DPYD: variants seen among roughly 807,000 people sequenced by gnomAD.
DPYD encodes the protein dihydropyrimidine dehydrogenase.
DPYD carries 109 observed loss-of-function variants against 116.2 expected under a neutral mutation model. The observed-to-expected ratio is 0.94, with a 90% CI of 0.80 to 1.10. The LOEUF (loss-of-function observed/expected upper bound fraction) is 1.10, where lower values mean the gene tolerates loss of function less well. DPYD is among the 50% of genes least tolerant of loss of function. DPYD has a pLI of 0.00. For missense variants in DPYD, 1,302 were observed against 1,254.5 expected, an observed-to-expected ratio of 1.04 and a Z score of -0.57; for synonymous variants, 440 against 432.0, an observed-to-expected ratio of 1.02 and a Z score of -0.23.
intron 20 of DPYD, among the ~76,000 whole-genome samples, chr1:97,185,032 T>C (rs993522320): frequency 6.6e-6 from 1 of 152,166 alleles, no homozygotes; most frequent in African/African-American, 2.4e-5. Flanking sequence ...TTGTAGACGT[T>C]TCCTTCTATT....
intron 13 of DPYD, among the ~76,000 whole-genome samples, chr1:97,505,650 C>T (rs1228021678): frequency 6.6e-6 from 1 of 151,384 alleles, no homozygotes; most frequent in Non-Finnish European, 1.5e-5. Flanking sequence ...AAGTGAATAC[C>T]ATACATTACA....
At chr1:97,813,225 T>C (rs1419798060) in intron 3 of DPYD, among the ~76,000 whole-genome samples, 1 of 152,154 alleles carries the variant, frequency 6.6e-6, no homozygotes. Context: ...TTATCATTTT[T>C]TCACTACTAA....
chr1:97,873,178 A>G (rs575750906), intron 2 of DPYD, among the ~76,000 whole-genome samples: 1 of 152,004 alleles, frequency 6.6e-6, no homozygotes, highest in African/African-American at 2.4e-5. Flanking sequence ...TCCCTTTCCC[A>G]TGACTTATCA....
intron 16 of DPYD, among the ~76,000 whole-genome samples, chr1:97,311,972 AGGGT>A (rs78181532): frequency 0.075 from 11,446 of 151,808 alleles, 959 homozygotes; most frequent in African/African-American, 0.21. Flanking sequence ...GGGTTGTGTT[AGGGT>A]GGGACATATA....
At chr1:97,444,406 C>A (rs1005593440) in intron 14 of DPYD, among the ~76,000 whole-genome samples, 3 of 152,142 alleles carry the variant, frequency 2.0e-5, no homozygotes, top group African/African-American at 4.8e-5. Context: ...GAAAAAAAAT[C>A]TCTGCTTCAC....
chr1:97,607,608 T>A (rs1156395725), intron 8 of DPYD, among the ~76,000 whole-genome samples: 1 of 151,050 alleles, frequency 6.6e-6, no homozygotes, highest in Non-Finnish European at 1.5e-5. Context: ...GAGGGGAGCA[T>A]AAGATAACAC....
At chr1:97,274,426 C>G (rs1200958726) in intron 18 of DPYD, among the ~76,000 whole-genome samples, 4 of 152,134 alleles carry the variant, frequency 2.6e-5, no homozygotes, top group African/African-American at 9.7e-5. Flanking sequence ...TCTGCTCTCC[C>G]TTTGTTTTCC....
At chr1:97,323,317 CAT>C (rs749837869) in intron 16 of DPYD, among the ~76,000 whole-genome samples, 3 of 140,186 alleles carry the variant, frequency 2.1e-5, no homozygotes, top group Non-Finnish European at 4.6e-5. Context: ...CGTATATATA[CAT>C]ATGTGTATAT....
rs78707715 is a variant in DPYD at position 97,278,622 on chromosome 1, T to C, written c.2299+26637A>G. Among the ~76,000 whole-genome samples the C allele has an allele frequency of 2.0e-5, 3 of 152,288 alleles. No individual in the cohort carries two copies. In the East Asian group the frequency reaches 5.8e-4, roughly 29 times the overall value. On this transcript the variant is annotated intron_variant, in intron 18 of 22. Coordinates refer to ENST00000370192, the MANE Select transcript of DPYD (RefSeq NM_000110.4). ...CTGTTGTTGCTCCCCTCTAAAAGTT[T>C]CAAAATATGCAGAGAAAAATGAGGA...
chr1:97,642,876 TATA>T (rs1250641578), intron 8 of DPYD, among the ~76,000 whole-genome samples: 1 of 151,200 alleles, frequency 6.6e-6, no homozygotes, highest in Admixed American at 6.6e-5. Flanking sequence ...AAACTTGAAG[TATA>T]ATAATAATAA....
intron 12 of DPYD, among the ~76,000 whole-genome samples, chr1:97,522,278 A>G (rs1570892983): frequency 6.6e-6 from 1 of 152,342 alleles, no homozygotes; most frequent in East Asian, 1.9e-4. Context: ...AAAAGAAGAT[A>G]TTTATGTGGC....
At position 97,308,645 on chromosome 1, in the gene DPYD, G is replaced by C. The variant is rs566753896; in HGVS notation, c.2059-2348C>G. 2.0e-5 allele frequency among the ~76,000 whole-genome samples: 3 copies of C among 151,814 alleles called. No homozygotes were observed. The East Asian group carries it at 5.8e-4, about 30-fold the overall frequency. ...GACTGTAACTATTTATATTTTCCTG[G>C]TTTCTTCAAAATTTTGATATGAATG... On this transcript the variant is annotated intron_variant, in intron 16 of 22. Transcript: ENST00000370192.
chr1:97,177,983 C>G (rs1437426483), intron 20 of DPYD, among the ~76,000 whole-genome samples: 2 of 152,002 alleles, frequency 1.3e-5, no homozygotes, highest in African/African-American at 4.8e-5. Flanking sequence ...CTCTGGGGTC[C>G]CTTTTATAAG....
Position 97,883,389 on chromosome 1 carries a change from A to G in DPYD, c.40-15T>C. 6.7e-7 allele frequency: 1 copy of G among 1,499,412 alleles called. No individual in the cohort carries two copies. The highest frequency in any genetic ancestry group is 9.3e-7 in the Non-Finnish European group (1 of 1,075,874). The allele number at this position is 1,499,412 out of a possible 1,614,324, so 92.9% of individuals were successfully genotyped here. On this transcript the variant is annotated splice_polypyrimidine_tract_variant and intron_variant, in intron 1 of 22. Transcript: ENST00000370192. ...GCCAGGATACTCTAAAGACAGCATA[A>G]ACAATGTGTAAATATATGGAAATAT...
At chr1:97,181,798 T>G (rs1210857887) in intron 20 of DPYD, among the ~76,000 whole-genome samples, 1 of 152,152 alleles carries the variant, frequency 6.6e-6, no homozygotes, top group Non-Finnish European at 1.5e-5. Flanking sequence ...TATCTATGCC[T>G]CTCCATGTTA....
At chr1:97,916,735 T>G in intron 1 of DPYD, among the ~76,000 whole-genome samples, 1 of 152,148 alleles carries the variant, frequency 6.6e-6, no homozygotes, top group East Asian at 1.9e-4. Flanking sequence ...ATGCAAAGGA[T>G]AGAATTTTTC....
At chr1:97,618,366 G>C (rs1159419623) in intron 8 of DPYD, among the ~76,000 whole-genome samples, 3 of 146,044 alleles carry the variant, frequency 2.1e-5, no homozygotes. Flanking sequence ...ATTCTGTCAA[G>C]GATTTTTTTT....
At chr1:97,806,649 A>G (rs925977052) in intron 3 of DPYD, among the ~76,000 whole-genome samples, 7 of 151,942 alleles carry the variant, frequency 4.6e-5, no homozygotes, top group African/African-American at 1.7e-4. Flanking sequence ...ACAATGATGA[A>G]CTAACATTGA....
intron 8 of DPYD, among the ~76,000 whole-genome samples, chr1:97,645,384 T>C (rs1284480131): frequency 6.6e-6 from 1 of 152,146 alleles, no homozygotes; most frequent in African/African-American, 2.4e-5. Context: ...TTCAAAAGTT[T>C]AGAAGTCATT....
Sources: allele counts gnomAD v4.1 joint callset (sites outside exome capture counted in the v4.1 genomes callset), GRCh38; gene constraint gnomAD v4.1.1; transcripts MANE v1.5; gene names NCBI Gene and HGNC (gene_info 2026-07-23, HGNC 2026-07-21).